Variants in NEGR1 observed in about 807,000 individuals in gnomAD.
NEGR1 encodes the protein neuronal growth regulator 1.
Under a neutral mutation model 40.9 loss-of-function variants are expected in NEGR1, and 10 were observed. The ratio of observed to expected loss-of-function variants is 0.24; its 90% CI spans 0.15 to 0.42. The LOEUF (loss-of-function observed/expected upper bound fraction) is 0.42, where lower values mean the gene tolerates loss of function less well. Ranked by LOEUF, NEGR1 falls within the 10% of genes least tolerant of loss-of-function variation. The probability of loss-of-function intolerance (pLI) is 1.00; values close to 1 mark genes in which losing one functional copy is unlikely to be tolerated. For synonymous variants in NEGR1, 185 were observed against 166.8 expected, an observed-to-expected ratio of 1.11 and a Z score of -0.84; for missense variants, 352 against 438.9, an observed-to-expected ratio of 0.80 and a Z score of 1.77.
chr1:72,171,122 C>A (rs1651947903), intron 1 of NEGR1, among the ~76,000 whole-genome samples: 1 of 152,100 alleles, frequency 6.6e-6, no homozygotes, highest in African/African-American at 2.4e-5. Context: ...GGGTGTATTT[C>A]AGAATGGCTG....
intron 6 of NEGR1, among the ~76,000 whole-genome samples, chr1:71,578,615 G>T (rs1649035257): frequency 1.3e-5 from 2 of 152,174 alleles, no homozygotes; most frequent in South Asian, 2.1e-4. Context: ...AGAGATGAAA[G>T]ATTTTGCTCA....
chr1:71,700,506 G>A (rs572376698), intron 3 of NEGR1, among the ~76,000 whole-genome samples: 192 of 152,090 alleles, frequency 1.3e-3, no homozygotes, highest in African/African-American at 4.5e-3. Context: ...TATATCAGTT[G>A]TCTATGGCTG....
intron 1 of NEGR1, among the ~76,000 whole-genome samples, chr1:72,124,075 A>G (rs1385265230): frequency 6.6e-6 from 1 of 152,034 alleles, no homozygotes; most frequent in Non-Finnish European, 1.5e-5. Flanking sequence ...AGGGATTGAA[A>G]ACATATTTCT....
In NEGR1 at chr1:71,561,928, CTTTTTTTT is replaced by C. The variant is rs72262470; in HGVS notation, c.940+30881_940+30888del. Reference sequence around the variant, plus strand: ...CTGTTAAATTGCCTTTTTGCTAGAGCTTTTTTTTTTTTTTTTAAAGAACTTATGAGTCA... The same window carrying C: ...CTGTTAAATTGCCTTTTTGCTAGAGCTTTTTTTTAAAGAACTTATGAGTCA... On this transcript the variant is annotated intron_variant, in intron 6 of 6. Coordinates refer to ENST00000357731, the MANE Select transcript of NEGR1 (RefSeq NM_173808.3). 2.9e-5 allele frequency among the ~76,000 whole-genome samples: 4 copies of C among 140,024 alleles called. No homozygotes were observed. The Admixed American group carries it at 2.9e-4, about 10-fold the overall frequency. The allele number at this position is 140,024 out of a possible 152,430, so 91.9% of individuals were successfully genotyped here.
At chr1:72,208,545 G>A (rs534324361) in intron 1 of NEGR1, among the ~76,000 whole-genome samples, 1 of 151,184 alleles carries the variant, frequency 6.6e-6, no homozygotes, top group Admixed American at 6.6e-5. Flanking sequence ...TCTCTAATAA[G>A]GCTTCTTTAA....
chr1:72,097,089 G>A (rs958458690), intron 1 of NEGR1, among the ~76,000 whole-genome samples: 1 of 152,040 alleles, frequency 6.6e-6, no homozygotes, highest in Non-Finnish European at 1.5e-5. Context: ...AGTTTACTTA[G>A]TTTTACTTTT....
At chr1:71,590,187 T>A (rs1649453174) in intron 6 of NEGR1, among the ~76,000 whole-genome samples, 1 of 152,128 alleles carries the variant, frequency 6.6e-6, no homozygotes, top group Non-Finnish European at 1.5e-5. Context: ...TTCTCTTTTT[T>A]GTGTCACTAT....
intron 3 of NEGR1, among the ~76,000 whole-genome samples, chr1:71,772,931 A>G (rs1360759279): frequency 6.6e-6 from 1 of 152,238 alleles, no homozygotes; most frequent in Non-Finnish European, 1.5e-5. Context: ...TTTGAATTTA[A>G]TTCTCAAATA....
At chr1:72,043,969 T>TA (rs1438161311) in intron 1 of NEGR1, among the ~76,000 whole-genome samples, 3 of 151,562 alleles carry the variant, frequency 2.0e-5, no homozygotes, top group Admixed American at 1.3e-4. Flanking sequence ...AAAATGGAAA[T>TA]AAAAAAATTA....
At chr1:72,201,743 T>C (rs1313738739) in intron 1 of NEGR1, among the ~76,000 whole-genome samples, 5 of 151,944 alleles carry the variant, frequency 3.3e-5, no homozygotes, top group African/African-American at 9.7e-5. Flanking sequence ...ATGTCCTATT[T>C]CATGTCTAAA....
intron 1 of NEGR1, among the ~76,000 whole-genome samples, chr1:71,987,474 A>T (rs1646405399): frequency 6.6e-6 from 1 of 152,194 alleles, no homozygotes; most frequent in African/African-American, 2.4e-5. Context: ...AATAACGCCG[A>T]CCAAATAGTA....
intron 1 of NEGR1, among the ~76,000 whole-genome samples, chr1:72,083,852 G>A (rs1648103086): frequency 6.6e-6 from 1 of 151,374 alleles, no homozygotes; most frequent in African/African-American, 2.4e-5. Flanking sequence ...TTCTGCCCCA[G>A]AGTGGTATAT....
intron 4 of NEGR1, among the ~76,000 whole-genome samples, chr1:71,683,532 G>A (rs189847765): frequency 7.1e-6 from 1 of 141,418 alleles, no homozygotes; most frequent in Non-Finnish European, 1.5e-5. Flanking sequence ...GTCCAAAGTG[G>A]TTTTCTGGGT....
At chr1:71,953,445 G>A (rs1011018279) in intron 1 of NEGR1, among the ~76,000 whole-genome samples, 2 of 151,978 alleles carry the variant, frequency 1.3e-5, no homozygotes, top group Non-Finnish European at 2.9e-5. Context: ...GTCGTTTCTT[G>A]AGATGGTATC....
intron 3 of NEGR1, among the ~76,000 whole-genome samples, chr1:71,725,497 T>C (rs1217919434): frequency 6.6e-6 from 1 of 152,148 alleles, no homozygotes; most frequent in Non-Finnish European, 1.5e-5. Flanking sequence ...ACTTAATTTT[T>C]AGTGTAAGCA....
In NEGR1 at chr1:71,697,164, C is replaced by T. The variant is rs1653503769; in HGVS notation, c.667+844G>A. Among the ~76,000 whole-genome samples the T allele has an allele frequency of 2.0e-5, 3 of 151,794 alleles. No individual in the cohort carries two copies. The South Asian group carries it at 6.2e-4, about 32-fold the overall frequency. On this transcript the variant is annotated intron_variant, in intron 4 of 6. Transcript: ENST00000357731. Reference sequence around the variant, plus strand: ...CTGATCTGCAGCATAATACCACGTGCACATTATTAGCAAGGACCATATATA... The same window carrying T: ...CTGATCTGCAGCATAATACCACGTGTACATTATTAGCAAGGACCATATATA...
intron 6 of NEGR1, among the ~76,000 whole-genome samples, chr1:71,511,348 T>C (rs758774894): frequency 1.3e-5 from 2 of 152,214 alleles, no homozygotes; most frequent in Non-Finnish European, 2.9e-5. Context: ...TTTAAGACAG[T>C]GATAGAGTAT....
At chr1:71,437,354 C>T (rs1646516658) in intron 6 of NEGR1, among the ~76,000 whole-genome samples, 1 of 151,958 alleles carries the variant, frequency 6.6e-6, no homozygotes, top group African/African-American at 2.4e-5. Context: ...GATGGTTGCA[C>T]AACTCTATGA....
intron 3 of NEGR1, among the ~76,000 whole-genome samples, chr1:71,704,327 C>A (rs542626173): frequency 6.6e-6 from 1 of 151,766 alleles, no homozygotes; most frequent in Non-Finnish European, 1.5e-5. Flanking sequence ...TGAAGATGAA[C>A]AGTCAACAGT....
Sources: allele counts gnomAD v4.1 joint callset (sites outside exome capture counted in the v4.1 genomes callset), GRCh38; gene constraint gnomAD v4.1.1; transcripts MANE v1.5; gene names NCBI Gene and HGNC (gene_info 2026-07-23, HGNC 2026-07-21).